LARGE2: variants seen among roughly 807,000 people sequenced by gnomAD.
LARGE2 encodes xylosyl- and glucuronyltransferase LARGE2.
LARGE2 carries 63 observed loss-of-function variants against 75.3 expected under a neutral mutation model. The observed-to-expected ratio is 0.84, with a 90% CI of 0.68 to 1.03. The LOEUF is 1.03. Ranked by LOEUF, LARGE2 falls within the 50% of genes least tolerant of loss-of-function variation. The pLI is 0.00. For synonymous variants in LARGE2, 428 were observed against 420.1 expected (o/e 1.02, Z -0.23); for missense variants, 925 against 980.6 (o/e 0.94, Z 0.76).
Position 45,927,752 on chromosome 11 carries a change from G to T in LARGE2, c.1604+159G>T, listed in dbSNP as rs1202349384. The T allele has an allele frequency of 7.1e-6, 10 of 1,408,250 alleles. No homozygotes were observed. In the East Asian group the frequency reaches 1.9e-4, roughly 26 times the overall value. The allele number at this position is 1,408,250 out of a possible 1,614,324, so 87.2% of individuals were successfully genotyped here. A position where few individuals can be genotyped will look rare whatever the true frequency, so the allele number is the denominator to read the frequency against. On this transcript the variant is annotated intron_variant, in intron 11 of 13. Coordinates refer to ENST00000401752, the MANE Select transcript of LARGE2 (RefSeq NM_001300721.2). ...TGTTTCTCTGGGCTGTCAACAGGGA[G>T]GCCAGGGCCGGCTTCAACAGCAGCT...
At chr11:45,924,725 AGCCCTGAGCCCAG>A in intron 5 of LARGE2, 47 bp from the exon 6 acceptor site, 1 of 1,555,938 alleles carries the variant, frequency 6.4e-7, no homozygotes, top group Non-Finnish European at 8.7e-7. Context: ...CCCTGCATCC[AGCCCTGAGCCCAG>A]GTCCTGTGGC....
chr11:45,924,223 C>T lies in LARGE2; in HGVS notation c.438C>T (p.His146=). ...GAAACATCCTGGAGACGCTCTTCCA[C>T]ACATGGATGGTGCCTGCTGTCCGTG... ...VARNILETLF[H]TWMVPAVRVS... Residue 146 remains histidine, a synonymous_variant, in exon 4 of 14, where the codon CAC becomes CAT. Coordinates refer to ENST00000401752, the MANE Select transcript of LARGE2 (RefSeq NM_001300721.2). The T allele has an allele frequency of 1.2e-6, 2 of 1,613,612 alleles. No individual in the cohort carries two copies. The highest frequency in any genetic ancestry group is 1.7e-6 in the Non-Finnish European group (2 of 1,180,020).
At position 45,927,605 on chromosome 11, in the gene LARGE2, G is replaced by A. The variant is rs1322851765; in HGVS notation, c.1604+12G>A. 6.2e-7 allele frequency: 1 copy of A among 1,610,790 alleles called. No individual in the cohort carries two copies. Among genetic ancestry groups the A allele is most frequent in the Non-Finnish European group, 8.5e-7 (1 of 1,179,168 alleles). On this transcript the variant is annotated intron_variant, in intron 11 of 13. Transcript: ENST00000401752. ...TACGACTACCTCAGGTGGGCCTGCA[G>A]GCAGAGAGGGGAACAATATATGGGG...
rs1565093019 is a variant in LARGE2, at chr11:45,926,110, C to CGGGA, written c.843_846dup (p.Leu283GlyfsTer4). 1.3e-6 allele frequency: 2 copies of CGGGA among 1,568,684 alleles called. No individual in the cohort carries two copies. The highest frequency in any genetic ancestry group is 1.7e-6 in the Non-Finnish European group (2 of 1,157,298). On this transcript the variant is annotated frameshift_variant, in exon 7 of 14. Coordinates refer to ENST00000401752, the MANE Select transcript of LARGE2 (RefSeq NM_001300721.2). LOFTEE classifies it high-confidence loss of function. ...GCAGATGTGGAGGCTGACAGCCAGG[C>CGGGA]GGGAGCTCCTTAGCCTGCCTGCCAC...
chr11:45,924,600 G>C lies in LARGE2; in HGVS notation c.587G>C (p.Arg196Pro). 6 of 1,614,062 alleles carry C rather than the reference G, an allele frequency of 3.7e-6. No individual in the cohort carries two copies. The highest frequency in any genetic ancestry group is 4.2e-6 in the Non-Finnish European group (5 of 1,180,014). The change falls in exon 5 of 14, where the codon CGC becomes CCC. Residue 196 changes from arginine (R) to proline (P), a missense_variant. Coordinates refer to ENST00000401752, the MANE Select transcript of LARGE2 (RefSeq NM_001300721.2). ...LPSALPAELA[R>P]VIVLDTDVTF... Reference sequence around the variant, plus strand: ...AGTGCCTTGCCTGCTGAGCTGGCCCGCGTCATTGTCCTGGACACGGATGTC... The same window carrying C: ...AGTGCCTTGCCTGCTGAGCTGGCCCCCGTCATTGTCCTGGACACGGATGTC...
intron 5 of LARGE2, 53 bp downstream of exon 5, chr11:45,924,730 T>G: frequency 6.4e-7 from 1 of 1,551,116 alleles, no homozygotes; most frequent in East Asian, 2.4e-5. Context: ...CATCCAGCCC[T>G]GAGCCCAGGT....
At chr11:45,925,687 GTAAA>G (rs1458780515) in intron 6 of LARGE2, among the ~76,000 whole-genome samples, 1 of 151,882 alleles carries the variant, frequency 6.6e-6, no homozygotes, top group Non-Finnish European at 1.5e-5. Context: ...TAAAAAATAA[GTAAA>G]TAAATAAAAA....
Position 45,926,299 on chromosome 11 carries a change from A to C in LARGE2, c.960A>C (p.Ser320=). 1 of 1,614,238 alleles carries C rather than the reference A, an allele frequency of 6.2e-7. No individual in the cohort carries two copies. The highest frequency in any genetic ancestry group is 1.1e-5 in the South Asian group (1 of 91,092). The change falls in exon 8 of 14, where the codon TCA becomes TCC. Residue 320 remains serine (S), a synonymous_variant. Coordinates refer to ENST00000401752, the MANE Select transcript of LARGE2 (RefSeq NM_001300721.2). ...RLPCVWNVQL[S]DHTLAERCYS... is the part of the protein sequence containing the mutation. ...CTTGTGTCTGGAATGTGCAGCTGTC[A>C]GATCACACACTGGCCGAGCGCTGCT...
At chr11:45,922,648 C>T (rs2086958162), upstream of LARGE2, 1 of 334,482 alleles carries the variant, frequency 3.0e-6, no homozygotes, top group Non-Finnish European at 5.4e-6. Flanking sequence ...GGGGCGGGAC[C>T]GGCCCGCGCC....
chr11:45,926,001 C>T (rs1248117654), intron 6 of LARGE2, 38 bp from the exon 7 acceptor site: 4 of 1,519,738 alleles, frequency 2.6e-6, no homozygotes, highest in East Asian at 2.5e-5. Flanking sequence ...AGGAGCTGGT[C>T]GTCCCAGGTG....
In LARGE2 at chr11:45,923,533, G is replaced by T. The variant is rs766173362; in HGVS notation, c.346G>T (p.Val116Leu). The T allele has an allele frequency of 7.4e-6, 12 of 1,613,848 alleles. No homozygotes were observed. The highest frequency in any genetic ancestry group is 1.0e-5 in the Non-Finnish European group (12 of 1,179,968). The change falls in exon 3 of 14, where the codon GTG becomes TTG. Residue 116 changes from valine to leucine, a missense_variant. Val to Leu is a conservative substitution (Grantham distance 32, BLOSUM62 1). Transcript: ENST00000401752. ...HNSSRDVITL[V>L]KSMLFYRKNP... ...CTCCAGCCGAGACGTCATCACCCTG[G>T]TGAAGTCCATGCTCTTCTACAGGTA...
rs764079203 is a variant in LARGE2 at position 45,928,248 on chromosome 11, G to A, written c.1826G>A (p.Arg609His). The change falls in exon 13 of 14, where the codon CGT (arginine) becomes CAT (histidine). Residue 609 changes from arginine (R) to histidine (H), a missense_variant. By Grantham distance (29) the Arg-to-His change is conservative. Around this residue, in one of 3 missense-constraint regions of LARGE2, gnomAD observed 469 missense variants for 503.8 expected, o/e 0.93. Coordinates refer to ENST00000401752, the MANE Select transcript of LARGE2 (RefSeq NM_001300721.2). ...ARWREAQAPY[R>H]VQWAANYEPY... The stretch of plus-strand genomic sequence containing the variant: ...TGGCGGGAGGCTCAGGCCCCGTACC[G>A]TGTGCAATGGGCGGCCAACTATGAA... The A allele has an allele frequency of 5.0e-5, 81 of 1,613,884 alleles. 1 individual carries two copies. Among genetic ancestry groups the A allele is most frequent in the Middle Eastern group, 1.6e-4 (1 of 6,084 alleles).
rs912379520 is a variant in LARGE2, at chr11:45,923,479, C to A, written c.292C>A (p.His98Asn). Reference sequence around the variant, plus strand: ...CCTGGGCGTCCCTCCCCAGCTCTTGCATGTGGCCATCGTGTGTGCGGGGCA... The same window carrying A: ...CCTGGGCGTCCCTCCCCAGCTCTTGAATGTGGCCATCGTGTGTGCGGGGCA... Reference protein sequence around the residue: ...PPPPPKCELLHVAIVCAGHNS... With the variant: ...PPPPPKCELLNVAIVCAGHNS... The change falls in exon 3 of 14, where the codon CAT becomes AAT. Residue 98 changes from histidine to asparagine, a missense_variant. By Grantham distance (68) the His-to-Asn change is moderately conservative. This residue lies in a region of LARGE2 where 453 missense variants were observed against 460.2 expected (regional missense o/e 0.98). Coordinates refer to ENST00000401752, the MANE Select transcript of LARGE2 (RefSeq NM_001300721.2). 1 of 1,613,510 alleles carries A rather than the reference C, an allele frequency of 6.2e-7. No homozygotes were observed. Among genetic ancestry groups the A allele is most frequent in the Non-Finnish European group, 8.5e-7 (1 of 1,179,922 alleles).
chr11:45,924,891 TG>T lies in LARGE2; in HGVS notation c.769+6del. On this transcript the variant is annotated splice_donor_region_variant and intron_variant, in intron 6 of 13. Coordinates refer to ENST00000401752, the MANE Select transcript of LARGE2 (RefSeq NM_001300721.2). ...CCTTGGGCCGGGGATTTAACACAGG[TG>T]GGGACAGTGGTGAGGGGAGGCAGGC... The T allele has an allele frequency of 6.9e-7, 1 of 1,453,498 alleles. No homozygotes were observed. The highest frequency in any genetic ancestry group is 9.1e-7 in the Non-Finnish European group (1 of 1,100,850). The allele number at this position is 1,453,498 out of a possible 1,614,324, so 90.0% of individuals were successfully genotyped here.
At position 45,922,688 on chromosome 11, in the gene LARGE2, G is replaced by C. The variant is rs1233493261; in HGVS notation, c.-103G>C. 7.9e-6 allele frequency: 3 copies of C among 379,802 alleles called. No individual in the cohort carries two copies. Among genetic ancestry groups the C allele is most frequent in the Middle Eastern group, 7.2e-4 (1 of 1,392 alleles). The allele number at this position is 379,802 out of a possible 1,614,324, so 23.5% of individuals were successfully genotyped here. A position where few individuals can be genotyped will look rare whatever the true frequency, so the allele number is the denominator to read the frequency against. ...CCCTGGTTCCCGCACCCTGGCCGGC[G>C]GCTGCGAGCGCAGGGCCCAGCCCGG... On this transcript the variant is annotated 5_prime_UTR_variant, in exon 1 of 14. Transcript: ENST00000401752.
Position 45,928,907 on chromosome 11 carries a change from G to A in LARGE2, c.*62G>A, listed in dbSNP as rs772488190. ...CAGACACCAGGGCAACCTGCCCTCCGCCATCCCTGCTATTTAAATTATTTA... is the reference window on the plus strand; with the variant it reads ...CAGACACCAGGGCAACCTGCCCTCCACCATCCCTGCTATTTAAATTATTTA... On this transcript the variant is annotated 3_prime_UTR_variant, in exon 14 of 14. Coordinates refer to ENST00000401752, the MANE Select transcript of LARGE2 (RefSeq NM_001300721.2). 61 of 1,586,642 alleles carry A rather than the reference G, an allele frequency of 3.8e-5. 1 individual carries two copies. The African/African-American group carries it at 6.5e-4, about 17-fold the overall frequency.
rs2134771612 is a variant in LARGE2, at chr11:45,928,340, A to G, written c.1918A>G (p.Lys640Glu). The change falls in exon 13 of 14, where the codon AAA (lysine) becomes GAA (glutamate). Residue 640 changes from lysine to glutamate, a missense_variant. Physicochemically the swap from Lys to Glu is moderately conservative, Grantham distance 56. Coordinates refer to ENST00000401752, the MANE Select transcript of LARGE2 (RefSeq NM_001300721.2). ...DPRFVGFGWNKVAHIVELDAQ... is the reference protein window; with the variant it reads ...DPRFVGFGWNEVAHIVELDAQ... The stretch of plus-strand genomic sequence containing the variant: ...TCGCTTTGTGGGCTTCGGCTGGAAC[A>G]AAGTGGCCCACATTGTGGAGCTGGA... The G allele has an allele frequency of 1.9e-6, 3 of 1,614,092 alleles. No individual in the cohort carries two copies. Among genetic ancestry groups the G allele is most frequent in the Middle Eastern group, 1.7e-4 (1 of 6,058 alleles).
intron 12 of LARGE2, 38 bp downstream of exon 12, chr11:45,928,107 G>A: frequency 6.2e-7 from 1 of 1,612,584 alleles, no homozygotes; most frequent in South Asian, 1.1e-5. Flanking sequence ...CCACTCACTT[G>A]CCCACACTGG....
rs2134750519 is a variant in LARGE2, at chr11:45,927,391, G to A, written c.1402G>A (p.Ala468Thr). ...SLALYLTDAEAQQFLHFVEAS... is the reference protein window; with the variant it reads ...SLALYLTDAETQQFLHFVEAS... ...GGCCTTGTACCTGACAGACGCAGAAGCTCAGCAGTTCCTGCATTTCGTCGA... is the reference window on the plus strand; with the variant it reads ...GGCCTTGTACCTGACAGACGCAGAAACTCAGCAGTTCCTGCATTTCGTCGA... Residue 468 changes from alanine to threonine, a missense_variant, in exon 11 of 14, where the codon GCT becomes ACT. Coordinates refer to ENST00000401752, the MANE Select transcript of LARGE2 (RefSeq NM_001300721.2). 6.2e-7 allele frequency: 1 copy of A among 1,614,112 alleles called. No individual in the cohort carries two copies. Among genetic ancestry groups the A allele is most frequent in the South Asian group, 1.1e-5 (1 of 91,086 alleles).
Sources: gnomAD v4.1 joint callset for allele counts (sites outside exome capture counted in the v4.1 genomes callset) on GRCh38, gnomAD v4.1.1 for gene constraint, gnomAD v4.1.1 regional missense constraint, MANE v1.5 for transcripts, NCBI Gene and HGNC (gene_info 2026-07-23, HGNC 2026-07-21) for gene names.